AGTPBP1: variants seen among roughly 807,000 people sequenced by gnomAD.
The protein encoded by AGTPBP1 is cytosolic carboxypeptidase 1.
In AGTPBP1, 70 loss-of-function variants were observed where a neutral mutation model predicts 143.9. That is an observed-to-expected ratio of 0.49 (90% CI 0.40 to 0.59). The LOEUF (loss-of-function observed/expected upper bound fraction) is 0.59, where lower values mean the gene tolerates loss of function less well. AGTPBP1 is among the 20% of genes least tolerant of loss of function. The pLI, the probability that AGTPBP1 is intolerant of heterozygous loss-of-function variation, is 0.00. For synonymous variants in AGTPBP1, 463 were observed against 500.2 expected, an observed-to-expected ratio of 0.93 and a Z score of 0.99; for missense variants, 1,229 against 1,464.5, an observed-to-expected ratio of 0.84 and a Z score of 2.62.
chr9:85,767,772 C>T, the AGTPBP1 span, among the ~76,000 whole-genome samples: 10 of 152,164 alleles, frequency 6.6e-5, no homozygotes, highest in South Asian at 2.1e-4. Context: ...CTTGAGCCAC[C>T]GCACCCTGCT....
intron 25 of AGTPBP1, among the ~76,000 whole-genome samples, chr9:85,562,652 G>A (rs545924395): frequency 9.9e-5 from 15 of 152,180 alleles, no homozygotes; most frequent in African/African-American, 3.1e-4. Flanking sequence ...TAAATGGAAC[G>A]ACTGGCAACT....
intron 8 of AGTPBP1, among the ~76,000 whole-genome samples, chr9:85,663,389 G>A (rs1319465538): frequency 6.6e-6 from 1 of 151,896 alleles, no homozygotes; most frequent in Non-Finnish European, 1.5e-5. Context: ...CTCAGTAGTG[G>A]GGAAAAATCA....
intron 4 of AGTPBP1, among the ~76,000 whole-genome samples, chr9:85,679,955 T>A (rs1422798656): frequency 6.6e-6 from 1 of 152,344 alleles, no homozygotes; most frequent in Non-Finnish European, 1.5e-5. Flanking sequence ...CTTTGCTTCA[T>A]ATGGAATTTA....
chr9:85,770,497 T>C, the AGTPBP1 span: 7 of 1,474,078 alleles, frequency 4.7e-6, no homozygotes, highest in East Asian at 1.6e-4. Context: ...TAAGGTTTGT[T>C]TTTGAGGGTC....
Position 85,590,445 on chromosome 9 carries a change from T to G in AGTPBP1, c.2569-764A>C, listed in dbSNP as rs187771410. ...TTGAAAACACAAGTTTTAATGGTCT[T>G]ATTATGTGGTTATACCAAAAATAAA... is the stretch of plus-strand genomic sequence containing the variant. On this transcript the variant is annotated intron_variant, in intron 19 of 25. Transcript: ENST00000357081. Among the ~76,000 whole-genome samples, 537 of 152,340 alleles carry G rather than the reference T, an allele frequency of 3.5e-3. 4 individuals are homozygous for G. The highest frequency in any genetic ancestry group is 0.011 in the African/African-American group (458 of 41,580).
intron 1 of AGTPBP1, among the ~76,000 whole-genome samples, chr9:85,726,808 A>G (rs1838524824): frequency 6.6e-6 from 1 of 152,254 alleles, no homozygotes; most frequent in Admixed American, 6.5e-5. Context: ...AAAAAAAATC[A>G]GTGAAAAGAC....
intron 2 of AGTPBP1, among the ~76,000 whole-genome samples, chr9:85,710,388 T>C (rs1464613910): frequency 1.1e-4 from 16 of 152,080 alleles, no homozygotes; most frequent in Admixed American, 1.0e-3. Flanking sequence ...AGATTTTCTG[T>C]GAAAATTGGT....
At chr9:85,724,759 A>C (rs1838362040) in intron 1 of AGTPBP1, among the ~76,000 whole-genome samples, 1 of 152,184 alleles carries the variant, frequency 6.6e-6, no homozygotes, top group Admixed American at 6.5e-5. Flanking sequence ...ACTGGAATTA[A>C]AGCTCCATGA....
chr9:85,589,506 T>C (rs2133204130), intron 20 of AGTPBP1, 22 bp downstream of exon 20: 1 of 1,589,086 alleles, frequency 6.3e-7, no homozygotes, highest in African/African-American at 1.4e-5. Context: ...ACTGCTATTG[T>C]GAGTTGGGAA....
intron 2 of AGTPBP1, among the ~76,000 whole-genome samples, chr9:85,702,797 A>G (rs1390761741): frequency 6.6e-6 from 1 of 152,122 alleles, no homozygotes; most frequent in East Asian, 1.9e-4. Context: ...ATTAGGCCTC[A>G]CAATTGAATG....
intron 21 of AGTPBP1, 73 bp from the exon 22 acceptor site, chr9:85,587,033 T>C: frequency 6.4e-7 from 1 of 1,558,338 alleles, no homozygotes; most frequent in Non-Finnish European, 8.7e-7. Context: ...CTTAAACCCT[T>C]ATATACATAT....
chr9:85,705,053 G>A (rs1375463978), intron 2 of AGTPBP1, among the ~76,000 whole-genome samples: 1 of 151,948 alleles, frequency 6.6e-6, no homozygotes, highest in Non-Finnish European at 1.5e-5. Context: ...GCAGTGAACT[G>A]TGAACCAATT....
intron 13 of AGTPBP1, among the ~76,000 whole-genome samples, chr9:85,640,034 G>A (rs923443551): frequency 6.6e-6 from 1 of 152,154 alleles, no homozygotes; most frequent in Admixed American, 6.6e-5. Context: ...AGCATTAATG[G>A]TTGATGCTGA....
chr9:85,733,140 A>G (rs927949958), intron 1 of AGTPBP1, among the ~76,000 whole-genome samples: 7 of 152,192 alleles, frequency 4.6e-5, no homozygotes, highest in Non-Finnish European at 8.8e-5. Context: ...TAGATCTAAC[A>G]TATATTTAGA....
At chr9:85,740,382 AGTC>A (rs1824172293) in intron 1 of AGTPBP1, among the ~76,000 whole-genome samples, 1 of 152,230 alleles carries the variant, frequency 6.6e-6, no homozygotes, top group Admixed American at 6.5e-5. Flanking sequence ...AAAAAGAGCA[AGTC>A]ATATTAGAAC....
rs183109899 is a variant in AGTPBP1 at position 85,712,478 on chromosome 9, T to C, written c.32+24A>G. On this transcript the variant is annotated intron_variant, in intron 2 of 25. Transcript: ENST00000357081. ...ATACATTATTTCTGTAACTTATGCA[T>C]ACTGATATTCAGAATTACAGTACCT... is the stretch of plus-strand genomic sequence containing the variant. 2,581 of 1,349,334 alleles carry C rather than the reference T, an allele frequency of 1.9e-3. 8 individuals carry two copies. Among genetic ancestry groups the C allele is most frequent in the Admixed American group, 2.8e-3 (128 of 45,402 alleles). 83.6% of individuals were successfully genotyped at this position (1,349,334 alleles called of 1,614,324 possible). A position where few individuals can be genotyped will look rare whatever the true frequency, so the allele number is the denominator to read the frequency against.
In AGTPBP1 at chr9:85,625,614, G is replaced by A. The variant is rs1176094427; in HGVS notation, c.2016-4329C>T. Among the ~76,000 whole-genome samples the A allele has an allele frequency of 4.0e-5, 6 of 150,986 alleles. No individual in the cohort carries two copies. The South Asian group carries it at 8.3e-4, about 21-fold the overall frequency. On this transcript the variant is annotated intron_variant, in intron 14 of 25. Coordinates refer to ENST00000357081, the MANE Select transcript of AGTPBP1 (RefSeq NM_001330701.2). ...ATACAGTTTTTTTTTTGCCGGGCAC[G>A]GTGGCTCACACCGGTAATTCCAGCA...
intron 14 of AGTPBP1, among the ~76,000 whole-genome samples, chr9:85,623,509 C>T (rs550705504): frequency 6.6e-6 from 1 of 152,026 alleles, no homozygotes; most frequent in African/African-American, 2.4e-5. Flanking sequence ...AATCTCAGCA[C>T]TCTGGGAGGC....
Position 85,565,908 on chromosome 9 carries a change from G to A in AGTPBP1, c.3503+9407C>T, listed in dbSNP as rs543221466. ...ATATACTTCTTTCAGGTAAAATAGTGGCATACTTTGCCAGTGGCTTTAAAA... is the reference window on the plus strand; with the variant it reads ...ATATACTTCTTTCAGGTAAAATAGTAGCATACTTTGCCAGTGGCTTTAAAA... On this transcript the variant is annotated intron_variant, in intron 25 of 25. Transcript: ENST00000357081. 1.0e-3 allele frequency among the ~76,000 whole-genome samples: 158 copies of A among 152,232 alleles called. 2 individuals are homozygous for A. Among genetic ancestry groups the A allele is most frequent in the Admixed American group, 4.1e-3 (63 of 15,292 alleles).
Sources: gnomAD v4.1 joint callset for allele counts (sites outside exome capture counted in the v4.1 genomes callset) on GRCh38, gnomAD v4.1.1 for gene constraint, MANE v1.5 for transcripts, NCBI Gene and HGNC (gene_info 2026-07-23, HGNC 2026-07-21) for gene names.